ANK2: variants seen among roughly 807,000 people sequenced by gnomAD.
The protein encoded by ANK2 is ankyrin 2, also known as ankyrin-2.
In ANK2, 83 loss-of-function variants were observed where a neutral mutation model predicts 360.5. The observed-to-expected ratio is 0.23, with a 90% CI of 0.19 to 0.28. ANK2 has a LOEUF of 0.28. ANK2 is among the 10% of genes least tolerant of loss of function. The pLI, the probability that ANK2 is intolerant of heterozygous loss-of-function variation, is 1.00. For synonymous variants in ANK2, 1,740 were observed against 1,759.5 expected (o/e 0.99, Z 0.28); for missense variants, 4,201 against 4,795.7 (o/e 0.88, Z 3.66).
At chr4:113,238,557 G>T (rs564529523) in intron 7 of ANK2, among the ~76,000 whole-genome samples, 2 of 152,138 alleles carry the variant, frequency 1.3e-5, no homozygotes, top group African/African-American at 4.8e-5. Context: ...AACTGGAACC[G>T]TACAAATTGA....
chr4:113,352,968 G>C, intron 37 of ANK2, 77 bp from the exon 38 acceptor site: 1 of 1,517,534 alleles, frequency 6.6e-7, no homozygotes, highest in Non-Finnish European at 9.0e-7. Context: ...ACGCTGTGTC[G>C]TTTCAGTCCT....
intron 1 of ANK2, among the ~76,000 whole-genome samples, chr4:113,116,682 A>G (rs1021540703): frequency 6.6e-6 from 1 of 152,222 alleles, no homozygotes; most frequent in Non-Finnish European, 1.5e-5. Context: ...TAGCAACGGC[A>G]GTAACAGCAG....
intron 1 of ANK2, among the ~76,000 whole-genome samples, chr4:113,053,616 C>T (rs1393761767): frequency 2.0e-5 from 3 of 152,114 alleles, no homozygotes; most frequent in Non-Finnish European, 4.4e-5. Flanking sequence ...TTTTTTGAGG[C>T]AGGGTCTTAT....
intron 4 of ANK2, among the ~76,000 whole-genome samples, chr4:113,217,683 A>T (rs2099101019): frequency 6.6e-6 from 1 of 152,000 alleles, no homozygotes; most frequent in African/African-American, 2.4e-5. Context: ...CAGGAGGTGG[A>T]GCTCAGGCGG....
Position 113,358,176 on chromosome 4 carries a change from G to C in ANK2, c.9558G>C (p.Val3186=). Residue 3186 remains valine (V), a synonymous_variant, in exon 38 of 46, where the codon GTG becomes GTC. Transcript: ENST00000357077. ...AGGCAGACTTACTTCCAGATGACGT[G>C]AGTGAGGAAGTAGAGGAAATACCTG... ...DDEADLLPDD[V]SEEVEEIPAS... 1 of 1,614,054 alleles carries C rather than the reference G, an allele frequency of 6.2e-7. No individual in the cohort carries two copies. Among genetic ancestry groups the C allele is most frequent in the Admixed American group, 1.7e-5 (1 of 60,012 alleles).
the ANK2 span, among the ~76,000 whole-genome samples, chr4:112,778,538 G>A: frequency 6.6e-6 from 1 of 152,198 alleles, no homozygotes; most frequent in Admixed American, 6.5e-5. Context: ...TGAAATCCAT[G>A]TGTAGCTAAG....
intron 2 of ANK2, among the ~76,000 whole-genome samples, chr4:113,020,194 C>CT (rs1304617678): frequency 3.9e-5 from 6 of 152,088 alleles, no homozygotes; most frequent in African/African-American, 1.2e-4. Context: ...TTGTTCATTT[C>CT]TTTTTTTGGT....
At chr4:112,750,090 T>C in the ANK2 span, among the ~76,000 whole-genome samples, 2 of 152,150 alleles carry the variant, frequency 1.3e-5, no homozygotes, top group African/African-American at 4.8e-5. Context: ...TACTTTTTTT[T>C]CTTCTGAGAC....
intron 1 of ANK2, among the ~76,000 whole-genome samples, chr4:112,875,199 T>C (rs555267643): frequency 6.6e-6 from 1 of 152,206 alleles, no homozygotes; most frequent in Non-Finnish European, 1.5e-5. Flanking sequence ...TTTGTAGTTT[T>C]AGTAGAGATG....
At chr4:112,821,774 T>TA (rs1280092540) in intron 1 of ANK2, among the ~76,000 whole-genome samples, 2 of 151,204 alleles carry the variant, frequency 1.3e-5, no homozygotes, top group Admixed American at 1.3e-4. Context: ...GTCATAGATT[T>TA]TTTTTTTTTT....
chr4:113,124,993 T>A (rs1003809045), intron 1 of ANK2, among the ~76,000 whole-genome samples: 1 of 152,070 alleles, frequency 6.6e-6, no homozygotes, highest in Non-Finnish European at 1.5e-5. Context: ...GATATGACAA[T>A]CATTATAAAC....
At chr4:113,077,316 A>G (rs903755943) in intron 1 of ANK2, among the ~76,000 whole-genome samples, 1 of 152,184 alleles carries the variant, frequency 6.6e-6, no homozygotes, top group African/African-American at 2.4e-5. Context: ...TGGAAAAACA[A>G]CACAATGTAA....
At chr4:113,041,387 A>T (rs1231630861) in intron 2 of ANK2, among the ~76,000 whole-genome samples, 1 of 152,100 alleles carries the variant, frequency 6.6e-6, no homozygotes, top group Admixed American at 6.6e-5. Flanking sequence ...CAGGCTGAGG[A>T]TGTTGCTGGG....
chr4:113,105,660 G>C (rs973764056), intron 1 of ANK2, among the ~76,000 whole-genome samples: 1 of 152,138 alleles, frequency 6.6e-6, no homozygotes, highest in Non-Finnish European at 1.5e-5. Context: ...TTTCTGTAGA[G>C]TATTATTCCA....
Position 113,367,550 on chromosome 4 carries a change from A to G in ANK2, c.11033-16A>G, listed in dbSNP as rs772420810. The G allele has an allele frequency of 2.5e-6, 4 of 1,613,254 alleles. No homozygotes were observed. In the African/African-American group the frequency reaches 5.3e-5, roughly 22 times the overall value. On this transcript the variant is annotated splice_polypyrimidine_tract_variant and intron_variant, in intron 41 of 45. Coordinates refer to ENST00000357077, the MANE Select transcript of ANK2 (RefSeq NM_001148.6). The stretch of plus-strand genomic sequence containing the variant: ...AGGTAAGCTTCAACTAAATACTTAA[A>G]TCATTCTGCCTTTAGGGTTCTCGGT...
At chr4:112,808,398 T>A in the ANK2 span, among the ~76,000 whole-genome samples, 1 of 152,062 alleles carries the variant, frequency 6.6e-6, no homozygotes, top group Non-Finnish European at 1.5e-5. Flanking sequence ...AAAGAAGGAG[T>A]AATCAAATAT....
intron 2 of ANK2, among the ~76,000 whole-genome samples, chr4:112,997,052 A>G (rs1270532048): frequency 1.3e-5 from 2 of 151,554 alleles, no homozygotes; most frequent in Non-Finnish European, 2.9e-5. Context: ...ATTTTCCTGT[A>G]TTTTTCAAAC....
intron 2 of ANK2, among the ~76,000 whole-genome samples, chr4:112,998,885 G>T (rs956358257): frequency 3.3e-5 from 5 of 152,126 alleles, no homozygotes; most frequent in African/African-American, 1.2e-4. Context: ...TTAATTTGGA[G>T]AAGTCTTTCT....
At position 113,250,796 on chromosome 4, in the gene ANK2, C is replaced by T. The variant is rs904188886; in HGVS notation, c.990+934C>T. Among the ~76,000 whole-genome samples the T allele has an allele frequency of 9.1e-5, 11 of 120,286 alleles. No individual in the cohort carries two copies. In the Admixed American group the frequency reaches 1.2e-3, roughly 13 times the overall value. 78.9% of individuals were successfully genotyped at this position (120,286 alleles called of 152,430 possible). On this transcript the variant is annotated intron_variant, in intron 10 of 45. Transcript: ENST00000357077. Reference sequence around the variant, plus strand: ...GAGTTGGTATCAACTAATGCTATTACTAGGGTAAGCTGAAGAAACTAAGGC... The same window carrying T: ...GAGTTGGTATCAACTAATGCTATTATTAGGGTAAGCTGAAGAAACTAAGGC...
Sources: gnomAD v4.1 joint callset for allele counts (sites outside exome capture counted in the v4.1 genomes callset) on GRCh38, gnomAD v4.1.1 for gene constraint, MANE v1.5 for transcripts, NCBI Gene and HGNC (gene_info 2026-07-23, HGNC 2026-07-21) for gene names.